Variants in KLC2 observed in about 807,000 individuals in gnomAD.
KLC2 encodes kinesin light chain 2.
In KLC2, 35 loss-of-function variants were observed where a neutral mutation model predicts 75.1. That is an observed-to-expected ratio of 0.47 (90% CI 0.36 to 0.62). The LOEUF (loss-of-function observed/expected upper bound fraction) is 0.62. Ranked by LOEUF, KLC2 falls within the 20% of genes least tolerant of loss-of-function variation. The pLI, the probability that KLC2 is intolerant of heterozygous loss-of-function variation, is 0.00. For missense variants in KLC2, 611 were observed against 833.2 expected (o/e 0.73, Z 3.28); for synonymous variants, 314 against 336.7 (o/e 0.93, Z 0.74).
At chr11:66,263,586 C>A in intron 5 of KLC2, 74 bp from the exon 6 acceptor site, 2 of 1,030,818 alleles carry the variant, frequency 1.9e-6, no homozygotes, top group Non-Finnish European at 3.0e-6. Context: ...CAGGAGTGAC[C>A]ACAGGGATTG....
In KLC2 at chr11:66,264,182, C is replaced by T. The variant is rs780602094; in HGVS notation, c.1079C>T (p.Pro360Leu). The change falls in exon 8 of 16, where the codon CCC (proline) becomes CTC (leucine). Residue 360 changes from proline to leucine, a missense_variant. Coordinates refer to ENST00000394067, the MANE Select transcript of KLC2 (RefSeq NM_001318734.2). The stretch of plus-strand genomic sequence containing the variant: ...GAGATCTATGCTACACGCCTCGGGC[C>T]CGATGACCCCAATGTGGCCAAGACC... ...ALEIYATRLG[P>L]DDPNVAKTKN... The T allele has an allele frequency of 4.5e-6, 7 of 1,570,980 alleles. No homozygotes were observed. The highest frequency in any genetic ancestry group is 2.3e-5 in the East Asian group (1 of 42,554).
Position 66,262,133 on chromosome 11 carries a change from G to C in KLC2, c.470G>C (p.Gly157Ala). ...DEDASPNEEK[G>A]DVPKDTLDDL... Reference sequence around the variant, plus strand: ...TGTCTTCCTTCCCAGGAGGAGAAGGGGGACGTCCCCAAAGACACACTGGAT... The same window carrying C: ...TGTCTTCCTTCCCAGGAGGAGAAGGCGGACGTCCCCAAAGACACACTGGAT... The change falls in exon 4 of 16, where the codon GGG (glycine) becomes GCG (alanine). Residue 157 changes from glycine to alanine, a missense_variant. Transcript: ENST00000394067. 6.2e-7 allele frequency: 1 copy of C among 1,613,332 alleles called. No individual in the cohort carries two copies. Among genetic ancestry groups the C allele is most frequent in the Non-Finnish European group, 8.5e-7 (1 of 1,179,932 alleles).
At chr11:66,255,771 G>GTTTT (rs67560291), upstream of KLC2, among the ~76,000 whole-genome samples, 2 of 140,556 alleles carry the variant, frequency 1.4e-5, no homozygotes, top group African/African-American at 2.6e-5. Flanking sequence ...TTTTTTTTTA[G>GTTTT]TTTTTTTTTT....
chr11:66,255,985 C>A (rs1856019733), upstream of KLC2, among the ~76,000 whole-genome samples: 1 of 151,832 alleles, frequency 6.6e-6, no homozygotes, highest in African/African-American at 2.4e-5. Context: ...AAGCTGGTCT[C>A]AAACTCCTGA....
rs1856942448 is a variant in KLC2, at chr11:66,267,700, C to A, written c.*744C>A. The A allele has an allele frequency of 5.8e-6, 3 of 521,464 alleles. No individual in the cohort carries two copies. The highest frequency in any genetic ancestry group is 1.0e-5 in the Non-Finnish European group (3 of 296,454). The allele number at this position is 521,464 out of a possible 1,614,324, so 32.3% of individuals were successfully genotyped here. ...ACGGCCGACCCCGCCCCGGGCACCG[C>A]CCACCGAGCCATCCTGCCTCGCCTC... is the stretch of plus-strand genomic sequence containing the variant. On this transcript the variant is annotated 3_prime_UTR_variant, in exon 16 of 16. Transcript: ENST00000394067.
At chr11:66,263,166 A>G (rs1856558915) in intron 5 of KLC2, 130 bp downstream of exon 5, 2 of 663,572 alleles carry the variant, frequency 3.0e-6, no homozygotes, top group Non-Finnish European at 5.3e-6. Context: ...TGCAAGTAAA[A>G]CTGTCTAGTG....
intron 11 of KLC2, 71 bp downstream of exon 11, chr11:66,265,306 C>T (rs1012509094): frequency 2.5e-5 from 32 of 1,293,134 alleles, no homozygotes; most frequent in Non-Finnish European, 3.3e-5. Flanking sequence ...ACTCTCACCC[C>T]CAACACACCC....
rs201796060 is a variant in KLC2 at position 66,262,998 on chromosome 11, C to T, written c.714C>T (p.Asp238=). The change falls in exon 5 of 16, where the codon GAC becomes GAT. Residue 238 remains aspartate (D), a synonymous_variant. Coordinates refer to ENST00000394067, the MANE Select transcript of KLC2 (RefSeq NM_001318734.2). ...LEKTSGHDHP[D]VATMLNILAL... ...AGACGTCAGGCCACGACCACCCTGA[C>T]GTTGCCACCATGCTGAACATCCTGG... 2.9e-5 allele frequency: 47 copies of T among 1,613,958 alleles called. No homozygotes were observed. In the Admixed American group the frequency reaches 3.5e-4, roughly 12 times the overall value.
At position 66,267,784 on chromosome 11, in the gene KLC2, C is replaced by T. The variant is rs1334163649; in HGVS notation, c.*828C>T. The stretch of plus-strand genomic sequence containing the variant: ...GACGGTCCCCTGGTGGCAGGAGGGG[C>T]TCCCCCTGTTGCGGGTGAGGCGGCT... On this transcript the variant is annotated 3_prime_UTR_variant, in exon 16 of 16. Transcript: ENST00000394067. The T allele has an allele frequency of 6.7e-6, 3 of 450,284 alleles. No individual in the cohort carries two copies. The East Asian group carries it at 1.0e-4, about 16-fold the overall frequency. The allele number at this position is 450,284 out of a possible 1,614,324, so 27.9% of individuals were successfully genotyped here. A position where few individuals can be genotyped will look rare whatever the true frequency, so the allele number is the denominator to read the frequency against.
At chr11:66,263,557 CAT>C (rs1856587435) in intron 5 of KLC2, 101 bp from the exon 6 acceptor site, 6 of 773,702 alleles carry the variant, frequency 7.8e-6, no homozygotes. Flanking sequence ...CTCACTCTGT[CAT>C]ACACACTCAG....
Position 66,266,542 on chromosome 11 carries a change from G to C in KLC2, c.1785+52G>C, listed in dbSNP as rs377048605. 20 of 1,528,078 alleles carry C rather than the reference G, an allele frequency of 1.3e-5. No homozygotes were observed. The African/African-American group carries it at 2.5e-4, about 19-fold the overall frequency. 94.7% of individuals were successfully genotyped at this position (1,528,078 alleles called of 1,614,324 possible). ...TGGGCAGCTGCGGCCGGGGCTGCATGCGTGCTGCCAAGCTTCCCTCCAGCA... is the reference window on the plus strand; with the variant it reads ...TGGGCAGCTGCGGCCGGGGCTGCATCCGTGCTGCCAAGCTTCCCTCCAGCA... On this transcript the variant is annotated intron_variant, in intron 15 of 15. Coordinates refer to ENST00000394067, the MANE Select transcript of KLC2 (RefSeq NM_001318734.2).
rs564663381 is a variant in KLC2, at chr11:66,267,066, C to T, written c.*110C>T. On this transcript the variant is annotated 3_prime_UTR_variant, in exon 16 of 16. Coordinates refer to ENST00000394067, the MANE Select transcript of KLC2 (RefSeq NM_001318734.2). ...CGCCTGTCTCTCCCACAGCCCCTGT[C>T]TTTTCTGTTCAATCTCAGGGTAACC... 504 of 1,563,184 alleles carry T rather than the reference C, an allele frequency of 3.2e-4. 4 individuals carry two copies. In the South Asian group the frequency reaches 5.6e-3, roughly 18 times the overall value.
intron 4 of KLC2, 100 bp downstream of exon 4, chr11:66,262,292 A>G: frequency 1.1e-6 from 1 of 882,650 alleles, no homozygotes; most frequent in Non-Finnish European, 1.9e-6. Flanking sequence ...CTCACTTCTG[A>G]TCATGACATC....
In KLC2 at chr11:66,263,680, A is replaced by C. The variant is rs1342861199; in HGVS notation, c.773A>C (p.Glu258Ala). The change falls in exon 6 of 16, where the codon GAG becomes GCG. Residue 258 changes from glutamate (E) to alanine (A), a missense_variant. Transcript: ENST00000394067. The part of the protein sequence containing the change: ...LVYRDQNKYK[E>A]AAHLLNDALA... ...CCCAGGGATCAGAACAAGTACAAGG[A>C]GGCTGCCCACCTGCTCAATGATGCT... The C allele has an allele frequency of 6.2e-7, 1 of 1,613,756 alleles. No individual in the cohort carries two copies. The highest frequency in any genetic ancestry group is 8.5e-7 in the Non-Finnish European group (1 of 1,179,692).
the KLC2 span, among the ~76,000 whole-genome samples, chr11:66,249,164 G>A: frequency 5.7e-3 from 863 of 152,342 alleles, 1 homozygote; most frequent in Middle Eastern, 0.01. Context: ...ATTGTCTGAT[G>A]TTCTTCTCGT....
intron 2 of KLC2, among the ~76,000 whole-genome samples, chr11:66,259,060 A>T (rs1856208838): frequency 6.6e-6 from 1 of 152,046 alleles, no homozygotes; most frequent in Non-Finnish European, 1.5e-5. Flanking sequence ...GCTCCCCTCT[A>T]CCTAAGGGAG....
At position 66,265,465 on chromosome 11, in the gene KLC2, G is replaced by GTCCCCAGCCCTGGGGTGATT. The variant is rs1479089246; in HGVS notation, c.1335-182_1335-163dup. 6 of 670,486 alleles carry GTCCCCAGCCCTGGGGTGATT rather than the reference G, an allele frequency of 8.9e-6. No individual in the cohort carries two copies. In the African/African-American group the frequency reaches 1.1e-4, roughly 12 times the overall value. The allele number at this position is 670,486 out of a possible 1,614,324, so 41.5% of individuals were successfully genotyped here. On this transcript the variant is annotated intron_variant, in intron 11 of 15. Transcript: ENST00000394067. The stretch of plus-strand genomic sequence containing the variant: ...CATCCCATGAGGGCCCTGGGGCCAG[G>GTCCCCAGCCCTGGGGTGATT]TCCCCAGCCCTGGGGTGATTTCCCC...
Position 66,262,157 on chromosome 11 carries a change from A to ATG in KLC2, c.495_496dup (p.Asp166ValfsTer41). 1 of 1,613,468 alleles carries ATG rather than the reference A, an allele frequency of 6.2e-7. No homozygotes were observed. Among genetic ancestry groups the ATG allele is most frequent in the Non-Finnish European group, 8.5e-7 (1 of 1,179,978 alleles). The stretch of plus-strand genomic sequence containing the variant: ...GGGGACGTCCCCAAAGACACACTGG[A>ATG]TGACCTGTTCCCCAATGAGGATGAG... On this transcript the variant is annotated frameshift_variant, in exon 4 of 16. Coordinates refer to ENST00000394067, the MANE Select transcript of KLC2 (RefSeq NM_001318734.2). LOFTEE classifies it high-confidence loss of function.
At chr11:66,254,237 AC>A (rs1472112190), upstream of KLC2, among the ~76,000 whole-genome samples, 1 of 152,026 alleles carries the variant, frequency 6.6e-6, no homozygotes, top group Non-Finnish European at 1.5e-5. Context: ...AAACAAACAA[AC>A]AAAAAAGCCC....
Sources: gnomAD v4.1 joint callset for allele counts (sites outside exome capture counted in the v4.1 genomes callset) on GRCh38, gnomAD v4.1.1 for gene constraint, MANE v1.5 for transcripts, NCBI Gene and HGNC (gene_info 2026-07-23, HGNC 2026-07-21) for gene names.